Variants in PTPRG observed in about 807,000 individuals in gnomAD.
PTPRG encodes protein tyrosine phosphatase receptor type G.
PTPRG carries 102 observed loss-of-function variants against 165.3 expected under a neutral mutation model. The ratio of observed to expected loss-of-function variants is 0.62; its 90% CI spans 0.53 to 0.73. PTPRG has a LOEUF of 0.73. Ranked by LOEUF, PTPRG falls within the 30% of genes least tolerant of loss-of-function variation. The pLI, the probability that PTPRG is intolerant of heterozygous loss-of-function variation, is 0.00. For synonymous variants in PTPRG, 675 were observed against 669.5 expected (o/e 1.01, Z -0.13); for missense variants, 1,866 against 1,861.4 (o/e 1.00, Z -0.05).
chr3:62,234,944 C>T (rs537513495), intron 14 of PTPRG, among the ~76,000 whole-genome samples: 1 of 150,840 alleles, frequency 6.6e-6, no homozygotes, highest in Admixed American at 6.6e-5. Flanking sequence ...CTTCCCCCCC[C>T]CGAGATGGTC....
chr3:62,030,874 C>T (rs1365112566), intron 4 of PTPRG, among the ~76,000 whole-genome samples: 1 of 152,134 alleles, frequency 6.6e-6, no homozygotes, highest in Non-Finnish European at 1.5e-5. Flanking sequence ...GACTGACCCC[C>T]CACTGCCTGG....
At chr3:62,286,822 T>TTAAA (rs1308507010) in intron 28 of PTPRG, among the ~76,000 whole-genome samples, 1 of 152,152 alleles carries the variant, frequency 6.6e-6, no homozygotes, top group Admixed American at 6.5e-5. Context: ...CCCTGTAGTT[T>TTAAA]TAAATGCAAA....
chr3:62,216,527 G>A (rs1700509577), intron 12 of PTPRG, among the ~76,000 whole-genome samples: 1 of 151,892 alleles, frequency 6.6e-6, no homozygotes, highest in Non-Finnish European at 1.5e-5. Context: ...GGACATCCAG[G>A]TCTTTGAGAT....
chr3:61,585,110 A>G (rs960015848), intron 1 of PTPRG, among the ~76,000 whole-genome samples: 2 of 150,840 alleles, frequency 1.3e-5, no homozygotes, highest in Non-Finnish European at 3.0e-5. Context: ...GCAAAACCCC[A>G]TCTGTATTAA....
chr3:62,250,173 C>G (rs951944538), intron 15 of PTPRG, among the ~76,000 whole-genome samples: 3 of 152,130 alleles, frequency 2.0e-5, no homozygotes, highest in African/African-American at 7.2e-5. Context: ...CTTGTGTTAT[C>G]CTGATTGCTT....
intron 2 of PTPRG, among the ~76,000 whole-genome samples, chr3:61,764,601 A>C (rs1457940622): frequency 6.6e-6 from 1 of 152,160 alleles, no homozygotes; most frequent in East Asian, 1.9e-4. Context: ...GTGATACTTG[A>C]GCAGACATCT....
At chr3:61,798,040 C>A (rs2035108412) in intron 2 of PTPRG, among the ~76,000 whole-genome samples, 1 of 152,148 alleles carries the variant, frequency 6.6e-6, no homozygotes, top group African/African-American at 2.4e-5. Context: ...TGTAGTAATA[C>A]TGTTGAGACA....
At chr3:62,102,643 G>C (rs1292124720) in intron 5 of PTPRG, among the ~76,000 whole-genome samples, 1 of 152,138 alleles carries the variant, frequency 6.6e-6, no homozygotes, top group Non-Finnish European at 1.5e-5. Flanking sequence ...TATAATACTG[G>C]TTGCTAGGAA....
chr3:62,138,791 C>G (rs1046524204), intron 6 of PTPRG, among the ~76,000 whole-genome samples: 6 of 150,218 alleles, frequency 4.0e-5, no homozygotes, highest in Non-Finnish European at 7.4e-5. Context: ...CGGCTAAGAT[C>G]GAGTATGTGT....
intron 2 of PTPRG, among the ~76,000 whole-genome samples, chr3:61,827,167 C>T (rs963160395): frequency 6.6e-6 from 1 of 152,166 alleles, no homozygotes; most frequent in Admixed American, 6.5e-5. Context: ...GCCTGGGTAC[C>T]CCAGTAAGGG....
intron 4 of PTPRG, among the ~76,000 whole-genome samples, chr3:62,004,111 G>A (rs539843404): frequency 1.2e-4 from 19 of 152,260 alleles, no homozygotes; most frequent in Non-Finnish European, 1.3e-4. Flanking sequence ...CCAGGGTGAG[G>A]GCGGGAGCAT....
intron 1 of PTPRG, among the ~76,000 whole-genome samples, chr3:61,630,591 C>T (rs1701747038): frequency 6.6e-6 from 1 of 152,050 alleles, no homozygotes; most frequent in Non-Finnish European, 1.5e-5. Flanking sequence ...AGGATTGACT[C>T]AACTTTAGGA....
chr3:62,176,417 G>A (rs1443933964), intron 8 of PTPRG, among the ~76,000 whole-genome samples: 3 of 152,146 alleles, frequency 2.0e-5, no homozygotes, highest in Admixed American at 6.5e-5. Flanking sequence ...ATGTCCAAAC[G>A]CAATATTTCC....
intron 15 of PTPRG, among the ~76,000 whole-genome samples, chr3:62,246,143 C>T (rs929641188): frequency 1.3e-5 from 2 of 152,162 alleles, no homozygotes; most frequent in African/African-American, 2.4e-5. Flanking sequence ...GCTTCACATT[C>T]TCCACTGAAT....
chr3:62,037,363 C>T (rs7623576), intron 4 of PTPRG, among the ~76,000 whole-genome samples: 35,589 of 152,080 alleles, frequency 0.23, 4,560 homozygotes, highest in Middle Eastern at 0.35. Flanking sequence ...CATTTCTTAC[C>T]TTTAATCTAC....
chr3:62,297,527 C>T lies in PTPRG; in HGVS notation c.*4220C>T, dbSNP rs1013421206. On this transcript the variant is annotated 3_prime_UTR_variant, in exon 30 of 30. Coordinates refer to ENST00000474889, the MANE Select transcript of PTPRG (RefSeq NM_002841.4). ...TTTTTCCCTTTTTCTTCTGTTTAAA[C>T]TATATCAAATCATTCTATTATAGTG... The T allele has an allele frequency of 2.7e-5, 4 of 150,574 alleles. No homozygotes were observed. The highest frequency in any genetic ancestry group is 5.9e-5 in the Non-Finnish European group (4 of 67,700). 9.3% of individuals were successfully genotyped at this position (150,574 alleles called of 1,614,324 possible).
intron 2 of PTPRG, among the ~76,000 whole-genome samples, chr3:61,971,923 T>C (rs556126179): frequency 6.6e-6 from 1 of 152,374 alleles, no homozygotes; most frequent in African/African-American, 2.4e-5. Context: ...TTGTGTGTTT[T>C]AGAATACTTA....
At chr3:61,882,429 G>A (rs1178940959) in intron 2 of PTPRG, among the ~76,000 whole-genome samples, 2 of 152,114 alleles carry the variant, frequency 1.3e-5, no homozygotes, top group African/African-American at 4.8e-5. Context: ...ATTTACTATG[G>A]AGTTGCTCTT....
At chr3:62,113,220 A>G (rs1339339183) in intron 5 of PTPRG, among the ~76,000 whole-genome samples, 2 of 152,168 alleles carry the variant, frequency 1.3e-5, no homozygotes, top group Non-Finnish European at 1.5e-5. Flanking sequence ...GAAGTAGATT[A>G]AAGATTAGCT....
Sources: allele counts gnomAD v4.1 joint callset (sites outside exome capture counted in the v4.1 genomes callset), GRCh38; gene constraint gnomAD v4.1.1; transcripts MANE v1.5; gene names NCBI Gene and HGNC (gene_info 2026-07-23, HGNC 2026-07-21).